Variants in SYT1 observed in about 807,000 individuals in gnomAD.
SYT1 encodes the protein synaptotagmin-1.
Under a neutral mutation model 44.8 loss-of-function variants are expected in SYT1, and 8 were observed. The observed-to-expected ratio is 0.18, with a 90% confidence interval of 0.10 to 0.32. The LOEUF is 0.32. SYT1 is among the 10% of genes least tolerant of loss of function. The pLI is 1.00. For synonymous variants in SYT1, 154 were observed against 188.8 expected (o/e 0.82, Z 1.51); for missense variants, 286 against 509.3 (o/e 0.56, Z 4.22).
intron 2 of SYT1, among the ~76,000 whole-genome samples, chr12:78,990,771 T>C (rs1217254236): frequency 6.6e-6 from 1 of 152,148 alleles, no homozygotes; most frequent in Non-Finnish European, 1.5e-5. Flanking sequence ...AGAAGGAAAA[T>C]GCAGAGTAAC....
chr12:79,124,630 C>T, intron 3 of SYT1, among the ~76,000 whole-genome samples: 1 of 152,078 alleles, frequency 6.6e-6, no homozygotes, highest in Admixed American at 6.6e-5. Context: ...TCGCCATTAT[C>T]ATCATCCTCA....
At chr12:79,361,337 T>C (rs1883309018) in intron 9 of SYT1, among the ~76,000 whole-genome samples, 1 of 152,162 alleles carries the variant, frequency 6.6e-6, no homozygotes, top group Non-Finnish European at 1.5e-5. Flanking sequence ...AGGATTACTA[T>C]TTGACAGAGC....
intron 8 of SYT1, among the ~76,000 whole-genome samples, chr12:79,352,186 A>AC (rs34574402): frequency 0.3 from 36,895 of 123,030 alleles, 4,014 homozygotes; most frequent in Admixed American, 0.37. Context: ...TAATGAATAC[A>AC]CCCCCCCCCC....
At chr12:79,387,111 T>G (rs1299242706) in intron 9 of SYT1, among the ~76,000 whole-genome samples, 5 of 152,160 alleles carry the variant, frequency 3.3e-5, no homozygotes, top group Non-Finnish European at 1.5e-5. Context: ...TTATCCTAAT[T>G]TATCTCTGTT....
At position 79,092,699 on chromosome 12, in the gene SYT1, G is replaced by A. The variant is rs568031480; in HGVS notation, c.-18+45337G>A. ...GAATTCTTACCCAGTCAAATACTAC[G>A]ATCTCAAAATCATCAGAAAACTATA... On this transcript the variant is annotated intron_variant, in intron 3 of 10. Transcript: ENST00000261205. Among the ~76,000 whole-genome samples, 20 of 151,630 alleles carry A rather than the reference G, an allele frequency of 1.3e-4. No individual in the cohort carries two copies. The South Asian group carries it at 4.1e-3, about 31-fold the overall frequency.
At chr12:79,048,715 C>T (rs546605597) in intron 3 of SYT1, among the ~76,000 whole-genome samples, 1 of 151,946 alleles carries the variant, frequency 6.6e-6, no homozygotes, top group Admixed American at 6.6e-5. Context: ...AGGTTACGGG[C>T]ATGTTTACAT....
chr12:78,941,210 T>C (rs61929231), intron 1 of SYT1, among the ~76,000 whole-genome samples: 8,901 of 151,608 alleles, frequency 0.059, 283 homozygotes, highest in Admixed American at 0.089. Context: ...GTAGCTGGGA[T>C]TACAGGCGCC....
intron 3 of SYT1, among the ~76,000 whole-genome samples, chr12:79,215,266 G>C (rs137963581): frequency 2.6e-5 from 4 of 152,256 alleles, no homozygotes; most frequent in African/African-American, 9.6e-5. Flanking sequence ...CTGGTAGTCT[G>C]TTCCATTGAT....
At chr12:79,223,000 A>T (rs1356452682) in intron 4 of SYT1, among the ~76,000 whole-genome samples, 1 of 151,734 alleles carries the variant, frequency 6.6e-6, no homozygotes, top group African/African-American at 2.4e-5. Context: ...ACCTCTATTA[A>T]ATGTCTTATT....
intron 3 of SYT1, among the ~76,000 whole-genome samples, chr12:79,137,914 A>G (rs901397162): frequency 1.3e-5 from 2 of 152,094 alleles, no homozygotes; most frequent in African/African-American, 4.8e-5. Flanking sequence ...CTTTGCTGTC[A>G]TGTTGTTAGC....
chr12:79,257,110 T>C (rs1259979551), intron 4 of SYT1, among the ~76,000 whole-genome samples: 1 of 152,238 alleles, frequency 6.6e-6, no homozygotes. Flanking sequence ...TTTAGTAGCA[T>C]GTATCAAAAT....
intron 3 of SYT1, among the ~76,000 whole-genome samples, chr12:79,216,991 C>G (rs1343495042): frequency 6.6e-6 from 1 of 152,022 alleles, no homozygotes; most frequent in Non-Finnish European, 1.5e-5. Flanking sequence ...TTCATAACAT[C>G]TTAGAGTATC....
At chr12:78,996,940 A>G (rs1285340672) in intron 2 of SYT1, among the ~76,000 whole-genome samples, 2 of 152,234 alleles carry the variant, frequency 1.3e-5, no homozygotes, top group African/African-American at 4.8e-5. Flanking sequence ...AGCTAATCTC[A>G]GTGATTTTTA....
intron 4 of SYT1, among the ~76,000 whole-genome samples, chr12:79,223,475 C>T (rs1875299096): frequency 6.6e-6 from 1 of 152,170 alleles, no homozygotes; most frequent in African/African-American, 2.4e-5. Flanking sequence ...AAGCCTAGGG[C>T]CCACTACAGC....
intron 3 of SYT1, among the ~76,000 whole-genome samples, chr12:79,181,250 AG>A (rs1187342300): frequency 6.6e-6 from 1 of 152,118 alleles, no homozygotes; most frequent in East Asian, 1.9e-4. Flanking sequence ...ATGAGGACAC[AG>A]GTTCAAATGA....
chr12:79,309,940 C>T (rs1251773634), intron 8 of SYT1, among the ~76,000 whole-genome samples: 4 of 151,876 alleles, frequency 2.6e-5, no homozygotes, highest in African/African-American at 9.7e-5. Context: ...GAGTAGGTTG[C>T]GAAAATTTTC....
At chr12:78,948,898 T>G (rs1219770696) in intron 1 of SYT1, among the ~76,000 whole-genome samples, 1 of 151,346 alleles carries the variant, frequency 6.6e-6, no homozygotes, top group South Asian at 2.1e-4. Context: ...AATGTAAGTT[T>G]CTTACAGAAG....
At chr12:79,199,106 G>C (rs1185015793) in intron 3 of SYT1, among the ~76,000 whole-genome samples, 1 of 152,160 alleles carries the variant, frequency 6.6e-6, no homozygotes, top group East Asian at 1.9e-4. Flanking sequence ...GGGCAGTAGA[G>C]ACTTTTGCTG....
chr12:79,015,235 AAG>A (rs1473412854), intron 2 of SYT1, among the ~76,000 whole-genome samples: 1 of 152,096 alleles, frequency 6.6e-6, no homozygotes, highest in Admixed American at 6.6e-5. Flanking sequence ...AAAATAAAAA[AAG>A]AAAATGCATT....
Sources: gnomAD v4.1 joint callset for allele counts (sites outside exome capture counted in the v4.1 genomes callset) on GRCh38, gnomAD v4.1.1 for gene constraint, MANE v1.5 for transcripts, NCBI Gene and HGNC (gene_info 2026-07-23, HGNC 2026-07-21) for gene names.